Variants in TCEAL1 observed in about 807,000 individuals in gnomAD.
TCEAL1 encodes transcription elongation factor A like 1, also known as transcription elongation factor A protein-like 1.
For missense variants in TCEAL1, 82 were observed against 125.9 expected (o/e 0.65, Z 1.67); for synonymous variants, 48 against 46.0 (o/e 1.04, Z -0.17).
intron 2 of TCEAL1, 124 bp downstream of exon 2, chrX:103,629,697 T>C: frequency 2.5e-6 from 1 of 392,927 alleles, no homozygotes. Flanking sequence ...GGGAAAATGG[T>C]GGGCTTTCGG....
At chrX:103,629,185 TGGGGCG>T (rs1569399084) in intron 1 of TCEAL1, among the ~76,000 whole-genome samples, 160 bp downstream of exon 1, 1 of 111,277 alleles carries the variant, frequency 9.0e-6, no homozygotes, top group Non-Finnish European at 1.9e-5. Flanking sequence ...TGGTGGTCTT[TGGGGCG>T]GGGTGGGGAG....
chrX:103,630,304 G>A lies in TCEAL1; in HGVS notation c.388G>A (p.Ala130Thr), dbSNP rs2073717536. The A allele has an allele frequency of 1.7e-6, 2 of 1,212,092 alleles. No homozygotes were observed. Among genetic ancestry groups the A allele is most frequent in the East Asian group, 5.9e-5 (2 of 33,860 alleles). The change falls in exon 3 of 3, where the codon GCA (alanine) becomes ACA (threonine). Residue 130 changes from alanine to threonine, a missense_variant. By Grantham distance (58) the Ala-to-Thr change is moderately conservative (BLOSUM62 0). Transcript: ENST00000372625. Reference sequence around the variant, plus strand: ...TTTAAGCAATGAGGAGATGATACAGGCAGCAGATGAGCTAGAAGAGATGAA... The same window carrying A: ...TTTAAGCAATGAGGAGATGATACAGACAGCAGATGAGCTAGAAGAGATGAA... ...RNLSNEEMIQ[A>T]ADELEEMKRV...
intron 1 of TCEAL1, among the ~76,000 whole-genome samples, 179 bp from the exon 2 acceptor site, chrX:103,629,315 G>A (rs899997331): frequency 9.8e-5 from 11 of 111,960 alleles, no homozygotes; most frequent in African/African-American, 2.9e-4. Context: ...TGCGGGGTGG[G>A]GAGGTGGGAG....
In TCEAL1 at chrX:103,629,895, C is replaced by G. The variant is rs1251445693; in HGVS notation, c.-22C>G. ...TTCTTGTCTCCTAAGAATAACTGTG[C>G]TTGAAGAAGAAAATTCCCAACATGG... On this transcript the variant is annotated 5_prime_UTR_variant, in exon 3 of 3. Transcript: ENST00000372625. The G allele has an allele frequency of 1.2e-5, 13 of 1,119,398 alleles. No homozygotes were observed. The highest frequency in any genetic ancestry group is 1.4e-5 in the Non-Finnish European group (12 of 851,528). The allele number at this position is 1,119,398 out of a possible 1,213,427, so 92.3% of individuals were successfully genotyped here.
Position 103,630,111 on chromosome X carries a change from G to A in TCEAL1, c.195G>A (p.Glu65=), listed in dbSNP as rs1569399525. Residue 65 remains glutamate, a synonymous_variant, in exon 3 of 3, where the codon GAG becomes GAA. Transcript: ENST00000372625. ...PELLPEMLLS[E]ERPPQEGLSR... is the part of the protein sequence containing the mutation. ...TCCTGCCTGAGATGCTCCTCTCGGAGGAGCGCCCTCCGCAGGAGGGTCTTT... is the reference window on the plus strand; with the variant it reads ...TCCTGCCTGAGATGCTCCTCTCGGAAGAGCGCCCTCCGCAGGAGGGTCTTT... The A allele has an allele frequency of 2.5e-6, 3 of 1,211,331 alleles. No individual in the cohort carries two copies. Among genetic ancestry groups the A allele is most frequent in the Non-Finnish European group, 2.2e-6 (2 of 895,250 alleles).
At position 103,630,902 on chromosome X, in the gene TCEAL1, C is replaced by T. The variant is rs2073720937; in HGVS notation, c.*506C>T. On this transcript the variant is annotated 3_prime_UTR_variant, in exon 3 of 3. Transcript: ENST00000372625. Reference sequence around the variant, plus strand: ...AATTTTGAAGAAAACTGTCAATCAGCTTATAACGACAATGTGGCACTTAAT... The same window carrying T: ...AATTTTGAAGAAAACTGTCAATCAGTTTATAACGACAATGTGGCACTTAAT... 1 of 123,220 alleles carries T rather than the reference C, an allele frequency of 8.1e-6. No homozygotes were observed. Among genetic ancestry groups the T allele is most frequent in the Admixed American group, 9.4e-5 (1 of 10,591 alleles). The allele number at this position is 123,220 out of a possible 1,213,427, so 10.2% of individuals were successfully genotyped here.
At chrX:103,629,804 G>A in intron 2 of TCEAL1, 81 bp from the exon 3 acceptor site, 1 of 923,920 alleles carries the variant, frequency 1.1e-6, no homozygotes, top group South Asian at 3.3e-5. Flanking sequence ...TCAGGAAAAG[G>A]CAGGTATTGG....
rs1051299896 is a variant in TCEAL1, at chrX:103,629,894, G to A, written c.-23G>A. On this transcript the variant is annotated 5_prime_UTR_variant, in exon 3 of 3. Transcript: ENST00000372625. ...TTTCTTGTCTCCTAAGAATAACTGT[G>A]CTTGAAGAAGAAAATTCCCAACATG... 1.8e-6 allele frequency: 2 copies of A among 1,120,700 alleles called. No individual in the cohort carries two copies. The highest frequency in any genetic ancestry group is 2.3e-6 in the Non-Finnish European group (2 of 851,729). The allele number at this position is 1,120,700 out of a possible 1,213,427, so 92.4% of individuals were successfully genotyped here. A position where few individuals can be genotyped will look rare whatever the true frequency, so the allele number is the denominator to read the frequency against.
At chrX:103,628,858 G>C (rs1165035502), upstream of TCEAL1, 1 of 111,893 alleles carries the variant, frequency 8.9e-6, no homozygotes, top group Non-Finnish European at 1.9e-5. Context: ...AGGTGGCTGC[G>C]GCAGGGCCGC....
Position 103,630,908 on chromosome X carries a change from A to G in TCEAL1, c.*512A>G, listed in dbSNP as rs189393268. On this transcript the variant is annotated 3_prime_UTR_variant, in exon 3 of 3. Transcript: ENST00000372625. ...GAAGAAAACTGTCAATCAGCTTATA[A>G]CGACAATGTGGCACTTAATAAATAC... The G allele has an allele frequency of 3.2e-5, 4 of 123,878 alleles. No individual in the cohort carries two copies. The East Asian group carries it at 1.1e-3, about 34-fold the overall frequency. The allele number at this position is 123,878 out of a possible 1,213,427, so 10.2% of individuals were successfully genotyped here. A position where few individuals can be genotyped will look rare whatever the true frequency, so the allele number is the denominator to read the frequency against.
At position 103,630,478 on chromosome X, in the gene TCEAL1, C is replaced by T; in HGVS notation, c.*82C>T. ...ACTTTCTGTTTGCATTTTCTTAATG[C>T]CTTTTCCCATATTCTGAATTTTAAC... is the stretch of plus-strand genomic sequence containing the variant. On this transcript the variant is annotated 3_prime_UTR_variant, in exon 3 of 3. Coordinates refer to ENST00000372625, the MANE Select transcript of TCEAL1 (RefSeq NM_004780.3). 1 of 1,006,004 alleles carries T rather than the reference C, an allele frequency of 9.9e-7. No individual in the cohort carries two copies. The allele number at this position is 1,006,004 out of a possible 1,213,427, so 82.9% of individuals were successfully genotyped here. A position where few individuals can be genotyped will look rare whatever the true frequency, so the allele number is the denominator to read the frequency against.
chrX:103,629,276 C>G (rs1431914378), intron 1 of TCEAL1, among the ~76,000 whole-genome samples: 1 of 111,914 alleles, frequency 8.9e-6, no homozygotes, highest in Non-Finnish European at 1.9e-5. Context: ...TTCGCTTCCA[C>G]TTCTCATCTG....
rs1311678597 is a variant in TCEAL1, at chrX:103,630,672, T to C, written c.*276T>C. Reference sequence around the variant, plus strand: ...AAAAGCAATTTTCAAATGGTATATATTGTATCCCATTTTTGTAAAAAAAAT... The same window carrying C: ...AAAAGCAATTTTCAAATGGTATATACTGTATCCCATTTTTGTAAAAAAAAT... On this transcript the variant is annotated 3_prime_UTR_variant, in exon 3 of 3. Coordinates refer to ENST00000372625, the MANE Select transcript of TCEAL1 (RefSeq NM_004780.3). 9.7e-6 allele frequency: 2 copies of C among 207,173 alleles called. No individual in the cohort carries two copies. Among genetic ancestry groups the C allele is most frequent in the Non-Finnish European group, 1.8e-5 (2 of 108,184 alleles). The allele number at this position is 207,173 out of a possible 1,213,427, so 17.1% of individuals were successfully genotyped here.
intron 1 of TCEAL1, 119 bp from the exon 2 acceptor site, chrX:103,629,375 G>GAGCT: frequency 9.0e-6 from 1 of 111,626 alleles, no homozygotes; most frequent in African/African-American, 3.3e-5. Flanking sequence ...GAGAACCCGA[G>GAGCT]AGCTAGGGGA....
At chrX:103,629,430 TGTCA>T (rs1002096700) in intron 1 of TCEAL1, 60 bp from the exon 2 acceptor site, 1 of 106,069 alleles carries the variant, frequency 9.4e-6, no homozygotes, top group Non-Finnish European at 1.9e-5. Flanking sequence ...GGGTGGGGGG[TGTCA>T]GTCAGTCCGT....
At position 103,630,341 on chromosome X, in the gene TCEAL1, A is replaced by G; in HGVS notation, c.425A>G (p.Asn142Ser). The G allele has an allele frequency of 1.7e-6, 2 of 1,211,513 alleles. No homozygotes were observed. Among genetic ancestry groups the G allele is most frequent in the Non-Finnish European group, 2.2e-6 (2 of 895,225 alleles). Residue 142 changes from asparagine to serine, a missense_variant, in exon 3 of 3, where the codon AAC (asparagine) becomes AGC (serine). Physicochemically the swap from Asn to Ser is conservative, Grantham distance 46. Transcript: ENST00000372625. ...CTAGAAGAGATGAAAAGAGTAAGAA[A>G]CAAACTGATGATAATGCACTGGAAG... ...DELEEMKRVR[N>S]KLMIMHWKAK... is the part of the protein sequence containing the mutation.
rs1262800007 is a variant in TCEAL1, at chrX:103,630,248, C to T, written c.332C>T (p.Pro111Leu). 8.3e-7 allele frequency: 1 copy of T among 1,211,614 alleles called. No individual in the cohort carries two copies. Among genetic ancestry groups the T allele is most frequent in the Non-Finnish European group, 1.1e-6 (1 of 895,533 alleles). ...SFKERLARSR[P>L]QFRGDIHGRN... ...AAAGAAAGGTTGGCTCGTTCTCGCC[C>T]GCAATTTAGAGGGGACATACATGGC... Residue 111 changes from proline (P) to leucine (L), a missense_variant, in exon 3 of 3, where the codon CCG becomes CTG. By Grantham distance (98) the Pro-to-Leu change is moderately conservative. Transcript: ENST00000372625.
In TCEAL1 at chrX:103,630,687, G is replaced by A. The variant is rs977246972; in HGVS notation, c.*291G>A. 2.8e-5 allele frequency: 5 copies of A among 176,975 alleles called. No homozygotes were observed. Among genetic ancestry groups the A allele is most frequent in the Non-Finnish European group, 3.4e-5 (3 of 88,920 alleles). 14.6% of individuals were successfully genotyped at this position (176,975 alleles called of 1,213,427 possible). A position where few individuals can be genotyped will look rare whatever the true frequency, so the allele number is the denominator to read the frequency against. On this transcript the variant is annotated 3_prime_UTR_variant, in exon 3 of 3. Transcript: ENST00000372625. ...ATGGTATATATTGTATCCCATTTTT[G>A]TAAAAAAAATGTATATTTATATATT...
In TCEAL1 at chrX:103,630,348, G is replaced by A. The variant is rs1431410437; in HGVS notation, c.432G>A (p.Leu144=). 8.3e-7 allele frequency: 1 copy of A among 1,209,854 alleles called. No individual in the cohort carries two copies. Among genetic ancestry groups the A allele is most frequent in the African/African-American group, 1.7e-5 (1 of 57,300 alleles). ...LEEMKRVRNK[L]MIMHWKAKRS... ...AGATGAAAAGAGTAAGAAACAAACT[G>A]ATGATAATGCACTGGAAGGCAAAAC... Residue 144 remains leucine (L), a synonymous_variant, in exon 3 of 3, where the codon CTG becomes CTA. Transcript: ENST00000372625.
Sources: gnomAD v4.1 joint callset for allele counts (sites outside exome capture counted in the v4.1 genomes callset) on GRCh38, gnomAD v4.1.1 for gene constraint, MANE v1.5 for transcripts, NCBI Gene and HGNC (gene_info 2026-07-23, HGNC 2026-07-21) for gene names.